Variants in PGAP4 observed in about 807,000 individuals in gnomAD.
PGAP4 encodes GPI-N-acetylgalactosamine transferase PGAP4.
PGAP4 carries 12 observed loss-of-function variants against 28.2 expected under a neutral mutation model. The ratio of observed to expected loss-of-function variants is 0.42; its 90% CI spans 0.27 to 0.69. The LOEUF (loss-of-function observed/expected upper bound fraction) is 0.69. Ranked by LOEUF, PGAP4 falls within the 30% of genes least tolerant of loss-of-function variation. The pLI is 0.22. For missense variants in PGAP4, 425 were observed against 513.5 expected (o/e 0.83, Z 1.67); for synonymous variants, 205 against 211.8 (o/e 0.97, Z 0.28).
chr9:101,506,084 A>G (rs1826846235), intron 2 of PGAP4, among the ~76,000 whole-genome samples: 2 of 152,122 alleles, frequency 1.3e-5, no homozygotes, highest in Admixed American at 6.6e-5. Context: ...CAACTGGGAC[A>G]TTGGAATAGG....
In PGAP4 at chr9:101,510,360, T is replaced by C. The variant is rs73501298; in HGVS notation, c.-165+20988A>G. 9.9e-3 allele frequency among the ~76,000 whole-genome samples: 1,503 copies of C among 151,992 alleles called. 19 individuals are homozygous for C. The highest frequency in any genetic ancestry group is 0.034 in the African/African-American group (1,426 of 41,484). On this transcript the variant is annotated intron_variant, in intron 2 of 3. Coordinates refer to the PGAP4 transcript ENST00000374851. ...TTGATGAAGCGGTGTCCTTCAATAA[T>C]TGCTTCTGTTCGTTATGTTCATGTT...
upstream of PGAP4, chr9:101,533,685 A>T (rs1339236118): frequency 6.6e-6 from 1 of 152,252 alleles, no homozygotes; most frequent in Non-Finnish European, 1.5e-5. Flanking sequence ...TAGCCAGGAG[A>T]GGGTCCCGCG....
At chr9:101,491,452 A>G (rs924334825), upstream of PGAP4, among the ~76,000 whole-genome samples, 1 of 152,114 alleles carries the variant, frequency 6.6e-6, no homozygotes, top group Non-Finnish European at 1.5e-5. Context: ...ATTGATCAGT[A>G]CAATTATTGA....
intron 2 of PGAP4, among the ~76,000 whole-genome samples, chr9:101,527,939 C>T (rs1283317760): frequency 2.0e-5 from 3 of 152,110 alleles, no homozygotes; most frequent in Non-Finnish European, 2.9e-5. Flanking sequence ...TCAATCTCTA[C>T]CCATGTGGAT....
At chr9:101,506,816 A>G (rs1826852337) in intron 2 of PGAP4, among the ~76,000 whole-genome samples, 1 of 152,114 alleles carries the variant, frequency 6.6e-6, no homozygotes, top group Non-Finnish European at 1.5e-5. Context: ...AGAAGATTCA[A>G]TTGCTCAGAG....
intron 1 of PGAP4, among the ~76,000 whole-genome samples, chr9:101,480,961 G>A (rs1489653727): frequency 6.6e-6 from 1 of 152,158 alleles, no homozygotes; most frequent in African/African-American, 2.4e-5. Context: ...TGGATGGCTT[G>A]AGCCCAGGAG....
chr9:101,500,881 A>T (rs990929919), intron 2 of PGAP4, among the ~76,000 whole-genome samples: 1 of 152,058 alleles, frequency 6.6e-6, no homozygotes, highest in East Asian at 1.9e-4. Context: ...TTAAGTGCTT[A>T]AAGTTTGGGA....
chr9:101,530,295 C>T (rs1827077033), intron 2 of PGAP4, among the ~76,000 whole-genome samples: 1 of 152,182 alleles, frequency 6.6e-6, no homozygotes, highest in Non-Finnish European at 1.5e-5. Context: ...TCGCCTTATG[C>T]CACCTTGTGG....
intron 2 of PGAP4, among the ~76,000 whole-genome samples, chr9:101,508,054 G>A (rs1235189801): frequency 6.6e-6 from 1 of 151,552 alleles, no homozygotes; most frequent in Non-Finnish European, 1.5e-5. Context: ...ACTGTAAAAT[G>A]GTAACCTCTC....
At chr9:101,502,209 C>G (rs768196710) in intron 2 of PGAP4, among the ~76,000 whole-genome samples, 4 of 152,042 alleles carry the variant, frequency 2.6e-5, no homozygotes, top group Non-Finnish European at 4.4e-5. Context: ...TCTGTTGACA[C>G]TCTTAATCTG....
chr9:101,522,964 T>C (rs1398109033), intron 2 of PGAP4, among the ~76,000 whole-genome samples: 2 of 152,208 alleles, frequency 1.3e-5, no homozygotes, highest in South Asian at 2.1e-4. Context: ...AAAAAGACTG[T>C]ATCTTTCCTT....
chr9:101,528,138 G>A (rs554089628), intron 2 of PGAP4, among the ~76,000 whole-genome samples: 23 of 152,260 alleles, frequency 1.5e-4, no homozygotes, highest in African/African-American at 5.5e-4. Flanking sequence ...ACTGCCCATG[G>A]CCTCTTTGTG....
At chr9:101,525,115 T>C (rs1351066321) in intron 2 of PGAP4, among the ~76,000 whole-genome samples, 2 of 152,212 alleles carry the variant, frequency 1.3e-5, no homozygotes, top group Non-Finnish European at 2.9e-5. Context: ...TTGTTTTCCT[T>C]TGGGTAGATT....
At chr9:101,498,400 G>T (rs80164959) in intron 2 of PGAP4, among the ~76,000 whole-genome samples, 1 of 151,732 alleles carries the variant, frequency 6.6e-6, no homozygotes, top group Non-Finnish European at 1.5e-5. Flanking sequence ...TGCTAATCAG[G>T]CAAACCTAAA....
intron 2 of PGAP4, among the ~76,000 whole-genome samples, chr9:101,499,857 A>T (rs1431492696): frequency 6.6e-6 from 1 of 152,088 alleles, no homozygotes; most frequent in African/African-American, 2.4e-5. Flanking sequence ...TAACTTGCAG[A>T]CGCAATGTTC....
At chr9:101,524,959 C>T (rs970198319) in intron 2 of PGAP4, among the ~76,000 whole-genome samples, 2 of 152,198 alleles carry the variant, frequency 1.3e-5, no homozygotes, top group African/African-American at 2.4e-5. Context: ...CTGTCCGGAG[C>T]GGCAATCTAG....
intron 2 of PGAP4, among the ~76,000 whole-genome samples, chr9:101,500,513 T>A (rs996398891): frequency 6.6e-6 from 1 of 150,514 alleles, no homozygotes; most frequent in Non-Finnish European, 1.5e-5. Flanking sequence ...CTTAATTTAA[T>A]CACATTTGCA....
intron 2 of PGAP4, among the ~76,000 whole-genome samples, chr9:101,499,681 G>A (rs1382317926): frequency 6.6e-6 from 1 of 152,016 alleles, no homozygotes; most frequent in East Asian, 1.9e-4. Context: ...GCAAAGTTGT[G>A]ATTTTTGTAG....
intron 2 of PGAP4, among the ~76,000 whole-genome samples, chr9:101,499,654 G>A (rs1375903971): frequency 3.9e-5 from 6 of 152,052 alleles, no homozygotes; most frequent in Non-Finnish European, 7.4e-5. Flanking sequence ...TTTGCATAAG[G>A]TTGCAATGGC....
Sources: allele counts gnomAD v4.1 joint callset (sites outside exome capture counted in the v4.1 genomes callset), GRCh38; gene constraint gnomAD v4.1.1; transcripts MANE v1.5; gene names NCBI Gene and HGNC (gene_info 2026-07-23, HGNC 2026-07-21).